Variants in LHFPL6 observed in about 807,000 individuals in gnomAD.
LHFPL6 encodes the protein LHFPL tetraspan subfamily member 6 protein.
In LHFPL6, 9 loss-of-function variants were observed where a neutral mutation model predicts 20.6. That is an observed-to-expected ratio of 0.44 (90% CI 0.26 to 0.76). The LOEUF is 0.76. Ranked by LOEUF, LHFPL6 falls within the 30% of genes least tolerant of loss-of-function variation. The pLI is 0.20. For missense variants in LHFPL6, 218 were observed against 253.5 expected (o/e 0.86, Z 0.95); for synonymous variants, 105 against 98.7 (o/e 1.06, Z -0.38).
chr13:39,435,024 CCG>C (rs1174513298), intron 2 of LHFPL6, among the ~76,000 whole-genome samples: 1 of 136,956 alleles, frequency 7.3e-6, no homozygotes, highest in Non-Finnish European at 1.5e-5. Context: ...CCACTGCAGT[CCG>C]CAGTCCGACC....
At chr13:39,399,185 T>A (rs903352836) in intron 2 of LHFPL6, among the ~76,000 whole-genome samples, 2 of 152,160 alleles carry the variant, frequency 1.3e-5, no homozygotes, top group East Asian at 3.9e-4. Context: ...CAAAAGAGCA[T>A]AGGGTCAATC....
At chr13:39,524,700 C>T (rs1275333966) in intron 2 of LHFPL6, among the ~76,000 whole-genome samples, 4 of 152,178 alleles carry the variant, frequency 2.6e-5, no homozygotes, top group African/African-American at 7.2e-5. Context: ...TCCAAACCAA[C>T]TATGTAGCAG....
At chr13:39,461,466 C>T (rs1872686362) in intron 2 of LHFPL6, among the ~76,000 whole-genome samples, 1 of 152,180 alleles carries the variant, frequency 6.6e-6, no homozygotes, top group African/African-American at 2.4e-5. Context: ...AATGTATAAG[C>T]ACTATCTGTA....
intron 2 of LHFPL6, among the ~76,000 whole-genome samples, chr13:39,399,706 G>C (rs1870938063): frequency 6.6e-6 from 1 of 152,208 alleles, no homozygotes; most frequent in South Asian, 2.1e-4. Context: ...TCTTACATTT[G>C]TGGTAAGATA....
At chr13:39,444,551 T>C (rs7331811) in intron 2 of LHFPL6, among the ~76,000 whole-genome samples, 52,421 of 152,030 alleles carry the variant, frequency 0.34, 9,285 homozygotes, top group East Asian at 0.53. Flanking sequence ...CTACATTGCC[T>C]TGGGACTCCA....
chr13:39,414,407 A>T (rs745424525), intron 2 of LHFPL6, among the ~76,000 whole-genome samples: 25 of 152,282 alleles, frequency 1.6e-4, no homozygotes, highest in Non-Finnish European at 3.1e-4. Context: ...GCCACAGTTC[A>T]TTAGAAGCTT....
rs67172252 is a variant in LHFPL6 at position 39,343,603 on chromosome 13, T to TTGTGTGTGTG, written c.*323_*332dup. ...ACCCTTGTTTGTATATGTAGATTTG[T>TTGTGTGTGTG]TGTGTGTGTGTGTGTGTGTGTGTGT... On this transcript the variant is annotated 3_prime_UTR_variant, in exon 4 of 4. Coordinates refer to ENST00000379589, the MANE Select transcript of LHFPL6 (RefSeq NM_005780.3). 1,380 of 194,934 alleles carry TTGTGTGTGTG rather than the reference T, an allele frequency of 7.1e-3. 12 individuals are homozygous for TTGTGTGTGTG. The highest frequency in any genetic ancestry group is 9.4e-3 in the Non-Finnish European group (930 of 99,432). The allele number at this position is 194,934 out of a possible 1,614,324, so 12.1% of individuals were successfully genotyped here. A position where few individuals can be genotyped will look rare whatever the true frequency, so the allele number is the denominator to read the frequency against.
rs189684631 is a variant in LHFPL6, at chr13:39,343,320, A to G, written c.*616T>C. The G allele has an allele frequency of 7.5e-4, 169 of 223,996 alleles. 1 individual carries two copies. Among genetic ancestry groups the G allele is most frequent in the Non-Finnish European group, 1.3e-3 (144 of 112,026 alleles). 13.9% of individuals were successfully genotyped at this position (223,996 alleles called of 1,614,324 possible). On this transcript the variant is annotated 3_prime_UTR_variant, in exon 4 of 4. Coordinates refer to ENST00000379589, the MANE Select transcript of LHFPL6 (RefSeq NM_005780.3). ...TTAATGTATGTTTTATAAAGTGATA[A>G]TACTGTATTTTAAATGTATATTAAA...
intron 2 of LHFPL6, among the ~76,000 whole-genome samples, chr13:39,414,656 A>ATT (rs536657812): frequency 6.6e-6 from 1 of 151,664 alleles, no homozygotes; most frequent in African/African-American, 2.4e-5. Flanking sequence ...CTGTGGGCTT[A>ATT]TTTTTTTTGC....
intron 3 of LHFPL6, among the ~76,000 whole-genome samples, chr13:39,361,676 C>T (rs1317214593): frequency 6.6e-6 from 1 of 152,076 alleles, no homozygotes; most frequent in Non-Finnish European, 1.5e-5. Flanking sequence ...AGTCGCAAAC[C>T]GTAAGCATAA....
intron 2 of LHFPL6, among the ~76,000 whole-genome samples, chr13:39,568,210 G>A (rs543294742): frequency 1.3e-5 from 2 of 151,966 alleles, no homozygotes; most frequent in East Asian, 1.9e-4. Context: ...CTTTGTAACA[G>A]CAGAGAATAG....
chr13:39,487,201 C>T (rs756373762), intron 2 of LHFPL6, among the ~76,000 whole-genome samples: 1 of 152,168 alleles, frequency 6.6e-6, no homozygotes, highest in Non-Finnish European at 1.5e-5. Context: ...AATGCACTAT[C>T]AGTCAATTTG....
chr13:39,388,683 T>C (rs1304309509), intron 2 of LHFPL6, among the ~76,000 whole-genome samples: 1 of 152,216 alleles, frequency 6.6e-6, no homozygotes, highest in African/African-American at 2.4e-5. Flanking sequence ...AAGTAGACCA[T>C]CATTACATTA....
At chr13:39,528,621 A>G (rs1407075288) in intron 2 of LHFPL6, among the ~76,000 whole-genome samples, 2 of 152,218 alleles carry the variant, frequency 1.3e-5, no homozygotes, top group Non-Finnish European at 2.9e-5. Context: ...CTATGATACT[A>G]AAAATGATTT....
intron 2 of LHFPL6, among the ~76,000 whole-genome samples, chr13:39,449,344 A>G (rs572913540): frequency 1.3e-5 from 2 of 152,372 alleles, no homozygotes; most frequent in South Asian, 4.1e-4. Context: ...ATACGGTTAT[A>G]AAAGGTTAGT....
intron 2 of LHFPL6, among the ~76,000 whole-genome samples, chr13:39,382,360 A>C (rs1870464292): frequency 6.6e-6 from 1 of 152,184 alleles, no homozygotes. Context: ...GCAAGCAGCC[A>C]AACCTAGAGT....
At chr13:39,592,062 C>CTCCA (rs1359380000) in intron 2 of LHFPL6, among the ~76,000 whole-genome samples, 1 of 151,674 alleles carries the variant, frequency 6.6e-6, no homozygotes, top group African/African-American at 2.4e-5. Flanking sequence ...CACCATTGCA[C>CTCCA]TCCAGCCTGG....
At chr13:39,461,120 A>C (rs1872678494) in intron 2 of LHFPL6, among the ~76,000 whole-genome samples, 3 of 152,194 alleles carry the variant, frequency 2.0e-5, no homozygotes, top group Non-Finnish European at 2.9e-5. Context: ...TAATTCGCTT[A>C]GGATGATGGC....
intron 2 of LHFPL6, among the ~76,000 whole-genome samples, chr13:39,589,326 C>T (rs529146252): frequency 6.6e-5 from 10 of 152,156 alleles, no homozygotes; most frequent in Admixed American, 1.3e-4. Flanking sequence ...AGGCTGGTCT[C>T]GAACTCCTGA....
Sources: gnomAD v4.1 joint callset for allele counts (sites outside exome capture counted in the v4.1 genomes callset) on GRCh38, gnomAD v4.1.1 for gene constraint, MANE v1.5 for transcripts, NCBI Gene and HGNC (gene_info 2026-07-23, HGNC 2026-07-21) for gene names.